Variants in PI4K2B observed in about 807,000 individuals in gnomAD.
PI4K2B encodes phosphatidylinositol 4-kinase type 2 beta.
A neutral mutation model predicts 56.6 loss-of-function variants in PI4K2B; 46 were observed. That is an observed-to-expected ratio of 0.81 (90% CI 0.64 to 1.04). PI4K2B has a LOEUF of 1.04. Among genes scored for constraint, PI4K2B ranks in the 50% least tolerant of loss-of-function variants. The probability of loss-of-function intolerance (pLI) is 0.00; values close to 1 mark genes in which losing one functional copy is unlikely to be tolerated. For missense variants in PI4K2B, 556 were observed against 607.7 expected, an observed-to-expected ratio of 0.91 and a Z score of 0.89; for synonymous variants, 211 against 223.8, an observed-to-expected ratio of 0.94 and a Z score of 0.51.
intron 7 of PI4K2B, 39 bp from the exon 8 acceptor site, chr4:25,268,404 T>C: frequency 6.4e-7 from 1 of 1,556,880 alleles, no homozygotes; most frequent in Non-Finnish European, 8.7e-7. Context: ...AAATAAACCA[T>C]TTCCTACCAC....
intron 1 of PI4K2B, among the ~76,000 whole-genome samples, chr4:25,248,390 C>T (rs1715888064): frequency 6.6e-6 from 1 of 152,060 alleles, no homozygotes. Context: ...AATAAGTTCT[C>T]GTTTTGGAGT....
intron 1 of PI4K2B, among the ~76,000 whole-genome samples, chr4:25,249,904 C>T (rs915068238): frequency 2.0e-5 from 3 of 152,154 alleles, no homozygotes; most frequent in African/African-American, 4.8e-5. Context: ...GCCGAGATCA[C>T]GCCACTGCAC....
chr4:25,245,821 G>A (rs139865705), intron 1 of PI4K2B, among the ~76,000 whole-genome samples: 47 of 152,254 alleles, frequency 3.1e-4, no homozygotes, highest in African/African-American at 9.9e-4. Flanking sequence ...GGCGATAGGC[G>A]ATAGTCCCTT....
chr4:25,253,427 A>AT (rs547867269), intron 2 of PI4K2B, among the ~76,000 whole-genome samples: 1 of 152,164 alleles, frequency 6.6e-6, no homozygotes, highest in African/African-American at 2.4e-5. Context: ...ATTTCACCCA[A>AT]TTTTTTTGGC....
intron 9 of PI4K2B, among the ~76,000 whole-genome samples, chr4:25,274,451 T>A (rs942967043): frequency 6.6e-6 from 1 of 152,182 alleles, no homozygotes; most frequent in African/African-American, 2.4e-5. Context: ...TGTTATTCTT[T>A]GAGAAATGAA....
At chr4:25,250,217 A>C (rs912729313) in intron 1 of PI4K2B, among the ~76,000 whole-genome samples, 1 of 152,056 alleles carries the variant, frequency 6.6e-6, no homozygotes, top group South Asian at 2.1e-4. Flanking sequence ...TGCAAAGAAG[A>C]GGGAGAGGGG....
At chr4:25,247,681 A>C (rs1392491367) in intron 1 of PI4K2B, among the ~76,000 whole-genome samples, 1 of 152,144 alleles carries the variant, frequency 6.6e-6, no homozygotes, top group Admixed American at 6.5e-5. Flanking sequence ...GCTGGGTTCA[A>C]TGCACCAAAT....
chr4:25,255,381 T>A, intron 3 of PI4K2B, 116 bp downstream of exon 3: 2 of 832,788 alleles, frequency 2.4e-6, no homozygotes, highest in Non-Finnish European at 3.8e-6. Context: ...TTTTTGGTAG[T>A]AGTCCAAGAG....
Position 25,234,413 on chromosome 4 carries a change from A to G in PI4K2B, c.250A>G (p.Ser84Gly). The G allele has an allele frequency of 1.5e-6, 2 of 1,365,354 alleles. No homozygotes were observed. The highest frequency in any genetic ancestry group is 1.9e-6 in the Non-Finnish European group (2 of 1,057,776). The allele number at this position is 1,365,354 out of a possible 1,614,324, so 84.6% of individuals were successfully genotyped here. Residue 84 changes from serine to glycine, a missense_variant, in exon 1 of 10, where the codon AGC becomes GGC. Coordinates refer to ENST00000264864, the MANE Select transcript of PI4K2B (RefSeq NM_018323.4). Reference sequence around the variant, plus strand: ...GAGTTCGTCCGCCGAGCTGGACCGGAGCCGCCCCGCGGTTTCAGGTGCGAC... The same window carrying G: ...GAGTTCGTCCGCCGAGCTGGACCGGGGCCGCCCCGCGGTTTCAGGTGCGAC... The part of the protein sequence containing the change: ...SRSSSAELDR[S>G]RPAVSVTIGT...
At chr4:25,240,175 G>C (rs1215661470) in intron 1 of PI4K2B, among the ~76,000 whole-genome samples, 1 of 152,180 alleles carries the variant, frequency 6.6e-6, no homozygotes, top group Non-Finnish European at 1.5e-5. Context: ...AGTTTGAAAG[G>C]CATTGTCTGA....
intron 2 of PI4K2B, 63 bp from the exon 3 acceptor site, chr4:25,255,002 A>T: frequency 9.1e-7 from 1 of 1,100,970 alleles, no homozygotes; most frequent in Non-Finnish European, 1.4e-6. Flanking sequence ...ATTAGAATGC[A>T]TTTTATGGAT....
intron 7 of PI4K2B, chr4:25,267,857 T>G: frequency 1.0e-6 from 1 of 983,088 alleles, no homozygotes; most frequent in Non-Finnish European, 1.2e-6. Flanking sequence ...TAGAACATCT[T>G]CTGTGTACAA....
At position 25,268,429 on chromosome 4, in the gene PI4K2B, C is replaced by G. The variant is rs1268867638; in HGVS notation, c.1079-14C>G. ...TTTCCTACCACTGATTAGGAGAATG[C>G]TTTTTTCTATTAGATCCATTTCACT... is the stretch of plus-strand genomic sequence containing the variant. On this transcript the variant is annotated splice_polypyrimidine_tract_variant and intron_variant, in intron 7 of 9. Transcript: ENST00000264864. 1 of 1,595,344 alleles carries G rather than the reference C, an allele frequency of 6.3e-7. No homozygotes were observed. Among genetic ancestry groups the G allele is most frequent in the Non-Finnish European group, 8.5e-7 (1 of 1,171,602 alleles).
chr4:25,259,510 G>A (rs1349731261), intron 5 of PI4K2B, among the ~76,000 whole-genome samples: 3 of 152,088 alleles, frequency 2.0e-5, no homozygotes, highest in African/African-American at 7.2e-5. Flanking sequence ...TATGTTAGGT[G>A]CTTATTTTGA....
intron 9 of PI4K2B, among the ~76,000 whole-genome samples, chr4:25,271,739 A>T (rs967504315): frequency 5.9e-5 from 9 of 152,312 alleles, no homozygotes; most frequent in African/African-American, 2.2e-4. Context: ...CTAAAGGTTT[A>T]TTTTTATTTT....
At chr4:25,268,206 A>G (rs1280991839) in intron 7 of PI4K2B, among the ~76,000 whole-genome samples, 1 of 152,232 alleles carries the variant, frequency 6.6e-6, no homozygotes, top group African/African-American at 2.4e-5. Flanking sequence ...AGATAGATTC[A>G]TTATCTAAAC....
At position 25,276,999 on chromosome 4, in the gene PI4K2B, C is replaced by G; in HGVS notation, c.1273-15C>G. 1 of 1,519,408 alleles carries G rather than the reference C, an allele frequency of 6.6e-7. No individual in the cohort carries two copies. The highest frequency in any genetic ancestry group is 8.9e-7 in the Non-Finnish European group (1 of 1,121,624). The allele number at this position is 1,519,408 out of a possible 1,614,324, so 94.1% of individuals were successfully genotyped here. A position where few individuals can be genotyped will look rare whatever the true frequency, so the allele number is the denominator to read the frequency against. ...TATCTTTTTAAATTGGTAAAAATCT[C>G]TCTTCTTCCCACAGATCTTAAACCT... is the stretch of plus-strand genomic sequence containing the variant. On this transcript the variant is annotated splice_polypyrimidine_tract_variant and intron_variant, in intron 9 of 9. Coordinates refer to ENST00000264864, the MANE Select transcript of PI4K2B (RefSeq NM_018323.4).
rs982022901 is a variant in PI4K2B, at chr4:25,277,904, G to A, written c.*717G>A. On this transcript the variant is annotated 3_prime_UTR_variant, in exon 10 of 10. Transcript: ENST00000264864. Reference sequence around the variant, plus strand: ...AATTAAGGTAGATCCCCAATATTTTGGAATACCAAAATTGCCTTAAAAATT... The same window carrying A: ...AATTAAGGTAGATCCCCAATATTTTAGAATACCAAAATTGCCTTAAAAATT... The A allele has an allele frequency of 1.3e-5, 2 of 152,032 alleles. No homozygotes were observed. The highest frequency in any genetic ancestry group is 4.8e-5 in the African/African-American group (2 of 41,372). 9.4% of individuals were successfully genotyped at this position (152,032 alleles called of 1,614,324 possible).
At chr4:25,241,721 C>T (rs184042440) in intron 1 of PI4K2B, among the ~76,000 whole-genome samples, 1,842 of 152,284 alleles carry the variant, frequency 0.012, 55 homozygotes, top group African/African-American at 0.042. Context: ...TGAGGCCAGC[C>T]TTTTGCTACT....
Sources: allele counts gnomAD v4.1 joint callset (sites outside exome capture counted in the v4.1 genomes callset), GRCh38; gene constraint gnomAD v4.1.1; transcripts MANE v1.5; gene names NCBI Gene and HGNC (gene_info 2026-07-23, HGNC 2026-07-21).